The following DEPDC1 variants were observed in gnomAD, a reference collection of about 807,000 sequenced individuals.
DEPDC1 encodes the protein DEP domain containing 1, also known as DEP domain-containing protein 1A.
In DEPDC1, 66 loss-of-function variants were observed where a neutral mutation model predicts 86.8. The observed-to-expected ratio is 0.76, with a 90% CI of 0.62 to 0.93. DEPDC1 has a LOEUF of 0.93. DEPDC1 is among the 40% of genes least tolerant of loss of function. The pLI, the probability that DEPDC1 is intolerant of heterozygous loss-of-function variation, is 0.00. For missense variants in DEPDC1, 792 were observed against 935.7 expected (o/e 0.85, Z 2.00); for synonymous variants, 255 against 314.9 (o/e 0.81, Z 2.02).
Position 68,496,871 on chromosome 1 carries a change from G to GCGAACGGTCGAGGTAAAACTT in DEPDC1, c.48+80_48+81insAAGTTTTACCTCGACCGTTCG. ...TCATCCCTCCGACCGAGGTAAAACT[G>GCGAACGGTCGAGGTAAAACTT]CGAACGGTCGAGGTAAAACTGCGAA... On this transcript the variant is annotated intron_variant, in intron 1 of 11. Coordinates refer to ENST00000456315, the MANE Select transcript of DEPDC1 (RefSeq NM_001114120.3). This position sits in a 1 kb window ranked among gnomAD's most constrained non-coding sequence, Gnocchi z 4.0. 1 of 1,445,146 alleles carries GCGAACGGTCGAGGTAAAACTT rather than the reference G, an allele frequency of 6.9e-7. No homozygotes were observed. The highest frequency in any genetic ancestry group is 9.6e-7 in the Non-Finnish European group (1 of 1,038,270). The allele number at this position is 1,445,146 out of a possible 1,614,324, so 89.5% of individuals were successfully genotyped here.
intron 9 of DEPDC1, among the ~76,000 whole-genome samples, chr1:68,480,283 C>CCT (rs1557616867): frequency 1.3e-5 from 2 of 150,530 alleles, no homozygotes. Flanking sequence ...CACACACACA[C>CCT]CCCTCATTCT....
chr1:68,494,962 G>C (rs553236221), intron 1 of DEPDC1, among the ~76,000 whole-genome samples: 2 of 152,242 alleles, frequency 1.3e-5, no homozygotes, highest in African/African-American at 4.8e-5. Flanking sequence ...GACCAATATG[G>C]AGAAACTCCG....
chr1:68,494,798 T>G, intron 1 of DEPDC1, 103 bp from the exon 2 acceptor site: 1 of 886,794 alleles, frequency 1.1e-6, no homozygotes, highest in African/African-American at 1.7e-5. Flanking sequence ...TCACATCTGA[T>G]TATATCATAA....
intron 6 of DEPDC1, among the ~76,000 whole-genome samples, 161 bp downstream of exon 6, chr1:68,486,776 A>T (rs1227973878): frequency 2.0e-5 from 3 of 151,976 alleles, no homozygotes; most frequent in African/African-American, 7.2e-5. Flanking sequence ...CCATAATGTA[A>T]TAAATTCCAC....
chr1:68,484,710 C>A (rs1571199384), intron 6 of DEPDC1, among the ~76,000 whole-genome samples: 1 of 151,994 alleles, frequency 6.6e-6, no homozygotes, highest in Admixed American at 6.6e-5. Flanking sequence ...GTAAAATAAG[C>A]ACAAGGCCCA....
chr1:68,485,415 T>G (rs967470364), intron 6 of DEPDC1, among the ~76,000 whole-genome samples: 1 of 151,928 alleles, frequency 6.6e-6, no homozygotes, highest in African/African-American at 2.4e-5. Context: ...GTTGGAAAAA[T>G]TGGGATGGTA....
At chr1:68,495,943 A>G (rs1039664584) in intron 1 of DEPDC1, among the ~76,000 whole-genome samples, 1 of 152,168 alleles carries the variant, frequency 6.6e-6, no homozygotes, top group Admixed American at 6.5e-5. Flanking sequence ...TGGCAGGACT[A>G]CTGATTGAGG....
In DEPDC1 at chr1:68,482,588, C is replaced by T; in HGVS notation, c.1220G>A (p.Ser407Asn). 3 of 1,613,076 alleles carry T rather than the reference C, an allele frequency of 1.9e-6. No homozygotes were observed. Among genetic ancestry groups the T allele is most frequent in the Non-Finnish European group, 2.5e-6 (3 of 1,179,346 alleles). The stretch of plus-strand genomic sequence containing the variant: ...GTTAGAGGATAGATCATGCATATTA[C>T]TTAACCCTATTAAATTATGACAACT... ...GGSCHNLIGLSNMHDLSSNSK... is the reference protein window; with the variant it reads ...GGSCHNLIGLNNMHDLSSNSK... The change falls in exon 8 of 12, where the codon AGT becomes AAT. Residue 407 changes from serine to asparagine, a missense_variant. By Grantham distance (46) the Ser-to-Asn change is conservative. Transcript: ENST00000456315.
chr1:68,495,937 A>G (rs1418350487), intron 1 of DEPDC1, among the ~76,000 whole-genome samples: 1 of 152,218 alleles, frequency 6.6e-6, no homozygotes. Context: ...ATAATGTGGC[A>G]GGACTACTGA....
chr1:68,481,961 C>T (rs1646158902), intron 8 of DEPDC1, 85 bp downstream of exon 8: 1 of 1,356,188 alleles, frequency 7.4e-7, no homozygotes, highest in African/African-American at 1.5e-5. Flanking sequence ...TAAGCAACTT[C>T]AAGGAAGAAA....
Position 68,479,154 on chromosome 1 carries a change from T to G in DEPDC1, c.2102A>C (p.Lys701Thr). ...ACTCACAATACTTACATGTCCCTTT[T>G]TTAAGTAGTCAAGATGTTTTTCCAC... ...TAVEKHLDYL[K>T]KGHIENPGDG... Residue 701 changes from lysine (K) to threonine (T), a missense_variant, in exon 10 of 12, where the codon AAA becomes ACA. Coordinates refer to ENST00000456315, the MANE Select transcript of DEPDC1 (RefSeq NM_001114120.3). The G allele has an allele frequency of 6.2e-7, 1 of 1,608,060 alleles. No individual in the cohort carries two copies. The highest frequency in any genetic ancestry group is 8.5e-7 in the Non-Finnish European group (1 of 1,177,910).
rs1187106419 is a variant in DEPDC1 at position 68,479,221 on chromosome 1, G to C, written c.2035C>G (p.His679Asp). 8 of 1,612,288 alleles carry C rather than the reference G, an allele frequency of 5.0e-6. No individual in the cohort carries two copies. The highest frequency in any genetic ancestry group is 1.7e-4 in the Middle Eastern group (1 of 5,830). ...GRLVSFLMDH[H>D]QEILQVPSYL... Reference sequence around the variant, plus strand: ...GAGGGTACTTGAAGAATTTCCTGATGATGATCCATTAAGAAAGAAACTAAT... The same window carrying C: ...GAGGGTACTTGAAGAATTTCCTGATCATGATCCATTAAGAAAGAAACTAAT... Residue 679 changes from histidine (H) to aspartate (D), a missense_variant, in exon 10 of 12, where the codon CAT becomes GAT. By Grantham distance (81) the His-to-Asp change is moderately conservative. Transcript: ENST00000456315.
At position 68,483,971 on chromosome 1, in the gene DEPDC1, C is replaced by T. The variant is rs370508950; in HGVS notation, c.889G>A (p.Glu297Lys). The change falls in exon 7 of 12, where the codon GAA becomes AAA. Residue 297 changes from glutamate to lysine, a missense_variant. Physicochemically the swap from Glu to Lys is moderately conservative, Grantham distance 56 (BLOSUM62 1). Transcript: ENST00000456315. The part of the protein sequence containing the change: ...PEPLLTFEYY[E>K]LFVNILVVCG... ...ATACCCAAAATGTTTACAAATAATT[C>T]GTAATATTCAAAAGTAAGTAGAGGT... 6.8e-5 allele frequency: 103 copies of T among 1,517,782 alleles called. No individual in the cohort carries two copies. Among genetic ancestry groups the T allele is most frequent in the African/African-American group, 4.2e-5 (3 of 70,616 alleles). The allele number at this position is 1,517,782 out of a possible 1,614,324, so 94.0% of individuals were successfully genotyped here. A position where few individuals can be genotyped will look rare whatever the true frequency, so the allele number is the denominator to read the frequency against.
intron 8 of DEPDC1, 144 bp downstream of exon 8, chr1:68,481,902 G>T: frequency 2.4e-6 from 2 of 850,160 alleles, no homozygotes; most frequent in Non-Finnish European, 3.4e-6. Context: ...TCTTGGTTAT[G>T]TCACAGACAA....
At chr1:68,483,886 C>T in intron 7 of DEPDC1, 64 bp downstream of exon 7, 1 of 1,091,084 alleles carries the variant, frequency 9.2e-7, no homozygotes, top group Non-Finnish European at 1.3e-6. Flanking sequence ...TTTAGATCTT[C>T]TAAATTATAA....
At chr1:68,479,951 T>C (rs1391147480) in intron 9 of DEPDC1, among the ~76,000 whole-genome samples, 1 of 151,960 alleles carries the variant, frequency 6.6e-6, no homozygotes, top group Non-Finnish European at 1.5e-5. Flanking sequence ...AGCTTAAAGA[T>C]TGTCAGAGAA....
intron 10 of DEPDC1, among the ~76,000 whole-genome samples, 174 bp from the exon 11 acceptor site, chr1:68,478,146 A>G (rs1421607250): frequency 6.6e-6 from 1 of 152,012 alleles, no homozygotes; most frequent in African/African-American, 2.4e-5. Context: ...TCTAAACCCC[A>G]GCTCCATAAT....
chr1:68,482,269 CA>C lies in DEPDC1; in HGVS notation c.1538del (p.Leu513CysfsTer3), dbSNP rs1207748512. On this transcript the variant is annotated frameshift_variant, in exon 8 of 12. Coordinates refer to ENST00000456315, the MANE Select transcript of DEPDC1 (RefSeq NM_001114120.3). LOFTEE classifies it high-confidence loss of function. ...TCCTTCTTGTACTACTTCTTAAAAG[CA>C]AACTCTGAGACCTACAAAGCTGTTT... ...KSKQLCRSQS[L>X]LLRSSTRRNS... is the part of the protein sequence containing the mutation. 6.2e-7 allele frequency: 1 copy of C among 1,612,654 alleles called. No homozygotes were observed. The highest frequency in any genetic ancestry group is 8.5e-7 in the Non-Finnish European group (1 of 1,179,168).
intron 2 of DEPDC1, among the ~76,000 whole-genome samples, chr1:68,492,429 G>T (rs573534435): frequency 1.3e-5 from 2 of 151,946 alleles, no homozygotes; most frequent in Non-Finnish European, 2.9e-5. Flanking sequence ...AGGAGAGGCC[G>T]GGCGTGGTGG....
Sources: gnomAD v4.1 joint callset for allele counts (sites outside exome capture counted in the v4.1 genomes callset) on GRCh38, gnomAD v4.1.1 for gene constraint, Gnocchi (gnomAD v3.1) non-coding constraint, MANE v1.5 for transcripts, NCBI Gene and HGNC (gene_info 2026-07-23, HGNC 2026-07-21) for gene names.